Variants in ARHGAP39 observed in about 807,000 individuals in gnomAD.
The protein encoded by ARHGAP39 is rho GTPase-activating protein 39.
A neutral mutation model predicts 106.9 loss-of-function variants in ARHGAP39; 44 were observed. The observed-to-expected ratio is 0.41, with a 90% CI of 0.32 to 0.53. The LOEUF (loss-of-function observed/expected upper bound fraction) is 0.53. ARHGAP39 is among the 20% of genes least tolerant of loss of function. The probability of loss-of-function intolerance (pLI) is 0.21; values close to 1 mark genes in which losing one functional copy is unlikely to be tolerated. For missense variants in ARHGAP39, 1,496 were observed against 1,577.3 expected, an observed-to-expected ratio of 0.95 and a Z score of 0.87; for synonymous variants, 768 against 693.2, an observed-to-expected ratio of 1.11 and a Z score of -1.69.
In ARHGAP39 at chr8:144,658,127, G is replaced by A. The variant is rs954143364; in HGVS notation, c.-82+27559C>T. ...CATTTCTTTCTTTCTTCTTTCTTTC[G>A]AGACAAGGTTTTGCTCTTTTTGCCC... On this transcript the variant is annotated intron_variant, in intron 1 of 11. Coordinates refer to ENST00000377307, the MANE Select transcript of ARHGAP39 (RefSeq NM_025251.3). 4.6e-5 allele frequency among the ~76,000 whole-genome samples: 7 copies of A among 151,768 alleles called. No individual in the cohort carries two copies. The East Asian group carries it at 5.8e-4, about 13-fold the overall frequency.
In ARHGAP39 at chr8:144,545,302, G is replaced by A. The variant is rs1817362669; in HGVS notation, c.2468C>T (p.Ser823Phe). 3.2e-6 allele frequency: 5 copies of A among 1,584,442 alleles called. No homozygotes were observed. Among genetic ancestry groups the A allele is most frequent in the African/African-American group, 1.4e-5 (1 of 73,956 alleles). The change falls in exon 6 of 12, where the codon TCC becomes TTC. Residue 823 changes from serine to phenylalanine, a missense_variant. Ser to Phe is a radical substitution (Grantham distance 155). Coordinates refer to ENST00000377307, the MANE Select transcript of ARHGAP39 (RefSeq NM_025251.3). Reference protein sequence around the residue: ...AFFPPTPKFHSYLEGYIYRHM... With the variant: ...AFFPPTPKFHFYLEGYIYRHM... ...CCGGTAGATGTAGCCTTCCAGGTAG[G>A]AGTGGAACTTGGGGGTGGGCGGGAA...
rs1819165582 is a variant in ARHGAP39 at position 144,585,822 on chromosome 8, G to A, written c.81-4545C>T. On this transcript the variant is annotated intron_variant, in intron 2 of 11. Transcript: ENST00000377307. This position sits in a 1 kb window ranked among gnomAD's most constrained non-coding sequence, Gnocchi z 4.6. ...ATTTAAATGAGAAAGAGAATCCAAG[G>A]ATCACACAAATAAAAATGGCAACTG... Among the ~76,000 whole-genome samples the A allele has an allele frequency of 6.6e-6, 1 of 152,178 alleles. No homozygotes were observed. Among genetic ancestry groups the A allele is most frequent in the Non-Finnish European group, 1.5e-5 (1 of 68,026 alleles).
Position 144,530,409 on chromosome 8 carries a change from C to G in ARHGAP39, c.*13G>C. ...GGGCGGCAGGACATCCCTCCTGTCC[C>G]CGGGCGCCCCCGCTACAGCACACCC... On this transcript the variant is annotated 3_prime_UTR_variant, in exon 12 of 12. Coordinates refer to ENST00000377307, the MANE Select transcript of ARHGAP39 (RefSeq NM_025251.3). 6.3e-7 allele frequency: 1 copy of G among 1,583,336 alleles called. No homozygotes were observed. The highest frequency in any genetic ancestry group is 8.6e-7 in the Non-Finnish European group (1 of 1,162,106).
chr8:144,628,833 C>G (rs1440963583), intron 1 of ARHGAP39, among the ~76,000 whole-genome samples: 1 of 152,256 alleles, frequency 6.6e-6, no homozygotes, highest in Non-Finnish European at 1.5e-5. Context: ...CACTGCCCCA[C>G]CCTGTCACCG....
At chr8:144,574,630 C>T (rs933596017) in intron 3 of ARHGAP39, among the ~76,000 whole-genome samples, 4 of 152,278 alleles carry the variant, frequency 2.6e-5, no homozygotes, top group Middle Eastern at 3.4e-3. Flanking sequence ...GCTGAGATTG[C>T]GGCACTGCAT....
intron 1 of ARHGAP39, among the ~76,000 whole-genome samples, chr8:144,636,105 T>C (rs1821167482): frequency 6.7e-6 from 1 of 149,324 alleles, no homozygotes; most frequent in Non-Finnish European, 1.5e-5. Context: ...AGGACTGAAT[T>C]AGAGGGGGGC....
At chr8:144,582,037 G>A (rs1819011203) in intron 2 of ARHGAP39, among the ~76,000 whole-genome samples, 1 of 152,020 alleles carries the variant, frequency 6.6e-6, no homozygotes, top group Admixed American at 6.5e-5. Flanking sequence ...GGCTGGTGAG[G>A]TGTCTCGTTA....
chr8:144,674,796 C>T (rs928347019), intron 1 of ARHGAP39, among the ~76,000 whole-genome samples: 3 of 152,198 alleles, frequency 2.0e-5, no homozygotes, highest in Non-Finnish European at 2.9e-5. Flanking sequence ...CGAAGGCGGC[C>T]GAGAAGGCAG....
Position 144,537,728 on chromosome 8 carries a change from C to A in ARHGAP39, c.2607G>T (p.Glu869Asp). ...TGCGGGGAGAGGCCCTACCATCCGG[C>A]TCTTCAACATAAGGCTTGGGTTTCT... is the stretch of plus-strand genomic sequence containing the variant. ...LRKKPKPYVE[E>D]PDGVAISTYA... Residue 869 changes from glutamate to aspartate, a missense_variant, in exon 7 of 12, where the codon GAG (glutamate) becomes GAT (aspartate). By Grantham distance (45) the Glu-to-Asp change is conservative. Coordinates refer to ENST00000377307, the MANE Select transcript of ARHGAP39 (RefSeq NM_025251.3). The A allele has an allele frequency of 6.2e-7, 1 of 1,614,044 alleles. No individual in the cohort carries two copies. The highest frequency in any genetic ancestry group is 8.5e-7 in the Non-Finnish European group (1 of 1,179,926).
chr8:144,628,621 T>A (rs1325842986), intron 1 of ARHGAP39, among the ~76,000 whole-genome samples: 1 of 152,104 alleles, frequency 6.6e-6, no homozygotes, highest in Non-Finnish European at 1.5e-5. Context: ...CAAAACAAGA[T>A]CACCGATCTA....
intron 4 of ARHGAP39, among the ~76,000 whole-genome samples, chr8:144,551,634 G>A (rs564584682): frequency 5.4e-4 from 82 of 150,800 alleles, no homozygotes; most frequent in African/African-American, 1.9e-3. Flanking sequence ...CCGCCATGTA[G>A]GCAGCTCTGC....
intron 2 of ARHGAP39, among the ~76,000 whole-genome samples, chr8:144,602,202 G>T (rs1175828345): frequency 1.5e-5 from 2 of 134,830 alleles, no homozygotes; most frequent in East Asian, 2.4e-4. Context: ...TGTGCATGGA[G>T]GCGTGCGTGC....
intron 1 of ARHGAP39, among the ~76,000 whole-genome samples, chr8:144,650,115 C>G (rs879400750): frequency 4.0e-5 from 6 of 151,866 alleles, no homozygotes; most frequent in Non-Finnish European, 5.9e-5. Context: ...TGCACTGCAG[C>G]CTGGGCAATA....
intron 1 of ARHGAP39, among the ~76,000 whole-genome samples, chr8:144,629,469 G>A (rs2130976682): frequency 6.6e-6 from 1 of 152,382 alleles, no homozygotes; most frequent in South Asian, 2.1e-4. Context: ...AGCAGGCTGG[G>A]GAAGGCCAGC....
intron 1 of ARHGAP39, among the ~76,000 whole-genome samples, chr8:144,633,178 G>C (rs2130980879): frequency 6.6e-6 from 1 of 151,962 alleles, no homozygotes; most frequent in East Asian, 1.9e-4. Context: ...TAAAAGAAAG[G>C]CCAGGCGCAG....
chr8:144,581,302 G>C (rs559707397), intron 2 of ARHGAP39, 25 bp from the exon 3 acceptor site: 28 of 1,515,940 alleles, frequency 1.8e-5, no homozygotes, highest in Admixed American at 4.1e-5. Context: ...GGTTAAGGCG[G>C]CTGGAGCCAC....
At position 144,679,885 on chromosome 8, in the gene ARHGAP39, C is replaced by A. The variant is rs1040387405; in HGVS notation, c.-82+5801G>T. ...GTCCCAGTTACTTGGGAGGCTGAGG[C>A]AGGAGAATGGCGTGAACCCAGGATG... On this transcript the variant is annotated intron_variant, in intron 1 of 11. Transcript: ENST00000377307. This position sits in a 1 kb window ranked among gnomAD's most constrained non-coding sequence, Gnocchi z 4.7. 2.0e-5 allele frequency among the ~76,000 whole-genome samples: 3 copies of A among 152,136 alleles called. No individual in the cohort carries two copies. The highest frequency in any genetic ancestry group is 2.9e-5 in the Non-Finnish European group (2 of 68,036).
intron 4 of ARHGAP39, among the ~76,000 whole-genome samples, chr8:144,552,839 T>G (rs1157112755): frequency 6.6e-6 from 1 of 152,174 alleles, no homozygotes; most frequent in African/African-American, 2.4e-5. Context: ...CCATATAATT[T>G]ATTTCACAGG....
chr8:144,560,771 A>G (rs1046826041), intron 3 of ARHGAP39, among the ~76,000 whole-genome samples: 1 of 152,230 alleles, frequency 6.6e-6, no homozygotes, highest in Admixed American at 6.5e-5. Flanking sequence ...CTAAAGGAGC[A>G]TGACGTCAAC....
Sources: gnomAD v4.1 joint callset for allele counts (sites outside exome capture counted in the v4.1 genomes callset) on GRCh38, gnomAD v4.1.1 for gene constraint, Gnocchi (gnomAD v3.1) non-coding constraint, MANE v1.5 for transcripts, NCBI Gene and HGNC (gene_info 2026-07-23, HGNC 2026-07-21) for gene names.